The following OSBPL8 variants were observed in gnomAD, a reference collection of about 807,000 sequenced individuals.
OSBPL8 encodes oxysterol binding protein like 8.
Under a neutral mutation model 125.5 loss-of-function variants are expected in OSBPL8, and 59 were observed. That is an observed-to-expected ratio of 0.47 (90% CI 0.38 to 0.58). The LOEUF is 0.58. OSBPL8 is among the 20% of genes least tolerant of loss of function. The pLI, the probability that OSBPL8 is intolerant of heterozygous loss-of-function variation, is 0.00. For missense variants in OSBPL8, 758 were observed against 1,047.8 expected (o/e 0.72, Z 3.82); for synonymous variants, 330 against 338.9 (o/e 0.97, Z 0.29).
intron 1 of OSBPL8, among the ~76,000 whole-genome samples, chr12:76,501,168 T>C (rs1475946720): frequency 6.6e-6 from 1 of 152,214 alleles, no homozygotes; most frequent in Non-Finnish European, 1.5e-5. Flanking sequence ...GCTTTATTCA[T>C]GTTTTCTTAG....
intron 1 of OSBPL8, among the ~76,000 whole-genome samples, chr12:76,527,675 G>A (rs1258516527): frequency 3.3e-5 from 5 of 152,012 alleles, no homozygotes; most frequent in Admixed American, 6.6e-5. Flanking sequence ...TCTAGTTATC[G>A]AATTATCTTA....
chr12:76,373,591 T>C (rs931471265), intron 17 of OSBPL8, 158 bp from the exon 18 acceptor site: 1 of 470,846 alleles, frequency 2.1e-6, no homozygotes, highest in Non-Finnish European at 3.7e-6. Flanking sequence ...TAGTTAGAAA[T>C]GTTTAATAAG....
intron 1 of OSBPL8, among the ~76,000 whole-genome samples, chr12:76,500,271 T>C (rs1293931413): frequency 6.6e-6 from 1 of 152,238 alleles, no homozygotes; most frequent in African/African-American, 2.4e-5. Flanking sequence ...ATTCTGCATA[T>C]ACACCAGTGC....
intron 4 of OSBPL8, among the ~76,000 whole-genome samples, chr12:76,421,151 T>C (rs946125660): frequency 3.9e-5 from 6 of 151,970 alleles, no homozygotes; most frequent in Non-Finnish European, 2.9e-5. Context: ...CAATATATAC[T>C]AGCAAGCTTG....
In OSBPL8 at chr12:76,354,912, T is replaced by C. The variant is rs1951929491; in HGVS notation, c.*977A>G. The C allele has an allele frequency of 6.6e-6, 1 of 152,062 alleles. No individual in the cohort carries two copies. Among genetic ancestry groups the C allele is most frequent in the Admixed American group, 6.5e-5 (1 of 15,276 alleles). The allele number at this position is 152,062 out of a possible 1,614,324, so 9.4% of individuals were successfully genotyped here. ...TCTTTTCTTATTGCCTCTTTTTGGC[T>C]TTTGAAGTAAAATACTGGTTATATT... On this transcript the variant is annotated 3_prime_UTR_variant, in exon 24 of 24. Coordinates refer to ENST00000261183, the MANE Select transcript of OSBPL8 (RefSeq NM_020841.5).
intron 4 of OSBPL8, among the ~76,000 whole-genome samples, chr12:76,432,066 T>C (rs2140490): frequency 0.2 from 31,007 of 151,890 alleles, 3,381 homozygotes; most frequent in Non-Finnish European, 0.26. Flanking sequence ...AGTAATCAAG[T>C]AAAAGTATCA....
chr12:76,513,942 A>AT (rs996681518), intron 1 of OSBPL8, among the ~76,000 whole-genome samples: 4 of 151,348 alleles, frequency 2.6e-5, no homozygotes, highest in African/African-American at 9.7e-5. Context: ...ATATGTGTGG[A>AT]TTTGATCCTG....
intron 12 of OSBPL8, 152 bp downstream of exon 12, chr12:76,389,493 T>A: frequency 1.7e-6 from 1 of 573,608 alleles, no homozygotes; most frequent in East Asian, 2.9e-5. Context: ...ACATGCTTCT[T>A]ACTAAGGGTC....
chr12:76,552,290 G>A (rs941850959), intron 1 of OSBPL8, among the ~76,000 whole-genome samples: 1 of 151,802 alleles, frequency 6.6e-6, no homozygotes, highest in African/African-American at 2.4e-5. Flanking sequence ...GCCAGGCACG[G>A]TGGCACATCC....
chr12:76,487,365 T>C (rs1878263913), intron 2 of OSBPL8, 145 bp downstream of exon 2: 1 of 599,822 alleles, frequency 1.7e-6, no homozygotes, highest in East Asian at 3.3e-5. Flanking sequence ...TTAAAGTATC[T>C]GTAATTCTCA....
intron 4 of OSBPL8, among the ~76,000 whole-genome samples, chr12:76,446,158 T>C (rs1025364339): frequency 1.3e-5 from 2 of 152,210 alleles, no homozygotes; most frequent in African/African-American, 2.4e-5. Context: ...GACCTTTAAA[T>C]GTTATGCACT....
intron 1 of OSBPL8, among the ~76,000 whole-genome samples, chr12:76,547,205 A>C (rs553338241): frequency 6.6e-6 from 1 of 152,342 alleles, no homozygotes; most frequent in Non-Finnish European, 1.5e-5. Context: ...CGATTAAACA[A>C]GATTAAGAGC....
At chr12:76,410,898 G>A (rs1038077515) in intron 4 of OSBPL8, among the ~76,000 whole-genome samples, 8 of 152,100 alleles carry the variant, frequency 5.3e-5, no homozygotes, top group African/African-American at 1.7e-4. Context: ...TAAATTCAGC[G>A]CTTATAGAGC....
rs573409160 is a variant in OSBPL8 at position 76,526,635 on chromosome 12, CTTTTTTTTTTTT to C, written c.-68+32750_-68+32761del. 3.5e-3 allele frequency among the ~76,000 whole-genome samples: 222 copies of C among 64,260 alleles called. 2 individuals are homozygous for C. Among genetic ancestry groups the C allele is most frequent in the East Asian group, 8.4e-3 (11 of 1,304 alleles). The allele number at this position is 64,260 out of a possible 152,430, so 42.2% of individuals were successfully genotyped here. On this transcript the variant is annotated intron_variant, in intron 1 of 23. Coordinates refer to ENST00000261183, the MANE Select transcript of OSBPL8 (RefSeq NM_020841.5). ...TGTTATACTTGCTATCAGTAAATCTCTTTTTTTTTTTTTTTTTTTTTTTTTTTTTTTTTGAGA... is the reference window on the plus strand; with the variant it reads ...TGTTATACTTGCTATCAGTAAATCTCTTTTTTTTTTTTTTTTTTTTTGAGA...
chr12:76,511,288 G>A (rs1349012150), intron 1 of OSBPL8, among the ~76,000 whole-genome samples: 1 of 152,154 alleles, frequency 6.6e-6, no homozygotes, highest in East Asian at 1.9e-4. Context: ...TCAAATAGTA[G>A]TTCTGCTTTT....
intron 9 of OSBPL8, among the ~76,000 whole-genome samples, chr12:76,393,710 C>CAAAAAAA (rs11423585): frequency 1.9e-5 from 1 of 52,294 alleles, no homozygotes; most frequent in Non-Finnish European, 3.5e-5. Flanking sequence ...GACTCCGTTT[C>CAAAAAAA]AAAAAAAAAA....
chr12:76,505,502 T>C, intron 1 of OSBPL8, among the ~76,000 whole-genome samples: 1 of 152,128 alleles, frequency 6.6e-6, no homozygotes, highest in Non-Finnish European at 1.5e-5. Context: ...ACAATTAAAA[T>C]ATATTGTGTA....
chr12:76,533,300 G>A (rs1950400713), intron 1 of OSBPL8, among the ~76,000 whole-genome samples: 1 of 151,810 alleles, frequency 6.6e-6, no homozygotes, highest in Admixed American at 6.6e-5. Context: ...ATAATCATAA[G>A]GAGAAAAAAA....
chr12:76,425,771 T>C (rs534595348), intron 4 of OSBPL8, among the ~76,000 whole-genome samples: 30 of 152,184 alleles, frequency 2.0e-4, no homozygotes, highest in Admixed American at 2.0e-3. Flanking sequence ...TGGTTGAACA[T>C]GGTGAACTAA....
Sources: allele counts gnomAD v4.1 joint callset (sites outside exome capture counted in the v4.1 genomes callset), GRCh38; gene constraint gnomAD v4.1.1; transcripts MANE v1.5; gene names NCBI Gene and HGNC (gene_info 2026-07-23, HGNC 2026-07-21).